SORCS1: variants seen among roughly 807,000 people sequenced by gnomAD.
SORCS1 encodes the protein sortilin related VPS10 domain containing receptor 1, also known as VPS10 domain-containing receptor SorCS1.
Under a neutral mutation model 146.1 loss-of-function variants are expected in SORCS1, and 60 were observed. That is an observed-to-expected ratio of 0.41 (90% CI 0.33 to 0.51). SORCS1 has a LOEUF of 0.51. SORCS1 is among the 20% of genes least tolerant of loss of function. The pLI is 0.21. For synonymous variants in SORCS1, 637 were observed against 584.0 expected (o/e 1.09, Z -1.31); for missense variants, 1,352 against 1,487.6 (o/e 0.91, Z 1.50).
At chr10:106,822,161 A>G (rs936659213) in intron 3 of SORCS1, among the ~76,000 whole-genome samples, 3 of 152,194 alleles carry the variant, frequency 2.0e-5, no homozygotes, top group Non-Finnish European at 2.9e-5. Flanking sequence ...AGAAAAATCA[A>G]CTAGGTACTT....
chr10:106,855,569 A>T (rs1376410651), intron 2 of SORCS1, among the ~76,000 whole-genome samples: 3 of 152,002 alleles, frequency 2.0e-5, no homozygotes, highest in Non-Finnish European at 2.9e-5. Flanking sequence ...CTGTATTTGC[A>T]CTTCGATGGT....
chr10:106,884,788 T>A (rs568956985), intron 2 of SORCS1, among the ~76,000 whole-genome samples: 2 of 152,332 alleles, frequency 1.3e-5, no homozygotes, highest in Admixed American at 1.3e-4. Context: ...TATCCAATAG[T>A]TAGAATTTTT....
At chr10:106,927,996 A>G (rs894122956) in intron 2 of SORCS1, among the ~76,000 whole-genome samples, 2 of 152,258 alleles carry the variant, frequency 1.3e-5, no homozygotes, top group Non-Finnish European at 2.9e-5. Context: ...AGCTAGACAT[A>G]AAGGTTCTGC....
intron 24 of SORCS1, among the ~76,000 whole-genome samples, chr10:106,594,344 T>C (rs573015738): frequency 6.6e-6 from 1 of 152,350 alleles, no homozygotes; most frequent in African/African-American, 2.4e-5. Flanking sequence ...ATAACAATTA[T>C]ACATATTCAT....
chr10:106,992,375 T>TA (rs1421360385), intron 1 of SORCS1, among the ~76,000 whole-genome samples: 1 of 151,936 alleles, frequency 6.6e-6, no homozygotes, highest in Non-Finnish European at 1.5e-5. Context: ...CATGACAGAG[T>TA]AAAAAAATAC....
At chr10:106,820,469 C>A (rs933845360) in intron 3 of SORCS1, among the ~76,000 whole-genome samples, 2 of 152,174 alleles carry the variant, frequency 1.3e-5, no homozygotes, top group African/African-American at 4.8e-5. Flanking sequence ...AAAAGAAGAT[C>A]TGGTCAAGGG....
chr10:106,679,996 G>C (rs1852317279), intron 10 of SORCS1, among the ~76,000 whole-genome samples: 1 of 152,084 alleles, frequency 6.6e-6, no homozygotes, highest in African/African-American at 2.4e-5. Flanking sequence ...TGTCATTACA[G>C]AGCTTACAAT....
intron 2 of SORCS1, among the ~76,000 whole-genome samples, chr10:106,948,600 C>T (rs925131996): frequency 4.6e-5 from 7 of 151,074 alleles, no homozygotes; most frequent in African/African-American, 1.7e-4. Context: ...CTTGTGGCTG[C>T]AGTGAGCTAT....
intron 6 of SORCS1, among the ~76,000 whole-genome samples, chr10:106,718,299 A>C (rs1463528749): frequency 1.3e-5 from 2 of 152,232 alleles, no homozygotes; most frequent in South Asian, 4.1e-4. Flanking sequence ...AGAACTGAGA[A>C]GCACATCACA....
intron 2 of SORCS1, among the ~76,000 whole-genome samples, chr10:106,934,289 G>A (rs774390625): frequency 3.8e-4 from 58 of 151,498 alleles, no homozygotes; most frequent in African/African-American, 1.0e-3. Context: ...ATGGAGTCGC[G>A]CACTGTCACC....
chr10:106,737,933 T>A (rs1250420418), intron 5 of SORCS1, among the ~76,000 whole-genome samples: 3 of 152,242 alleles, frequency 2.0e-5, no homozygotes, highest in East Asian at 3.8e-4. Flanking sequence ...ATACCCTGCA[T>A]ATTTTTAGCA....
chr10:106,710,432 GAAA>G (rs33978828), intron 6 of SORCS1, among the ~76,000 whole-genome samples: 1 of 126,818 alleles, frequency 7.9e-6, no homozygotes. Flanking sequence ...TGGGTGACAG[GAAA>G]AAAAAAAAAA....
chr10:106,907,350 G>A (rs7076825), intron 2 of SORCS1, among the ~76,000 whole-genome samples: 2,701 of 152,014 alleles, frequency 0.018, 80 homozygotes, highest in East Asian at 0.11. Context: ...ATGAAAATAC[G>A]ATTAGTACAC....
At chr10:107,044,949 T>C (rs1409123791) in intron 1 of SORCS1, among the ~76,000 whole-genome samples, 1 of 152,108 alleles carries the variant, frequency 6.6e-6, no homozygotes, top group Non-Finnish European at 1.5e-5. Flanking sequence ...TGGATGGCAT[T>C]TGACATAAGG....
intron 2 of SORCS1, among the ~76,000 whole-genome samples, chr10:106,868,415 T>C (rs1451744779): frequency 6.6e-6 from 1 of 152,102 alleles, no homozygotes; most frequent in Non-Finnish European, 1.5e-5. Context: ...CGTCATATGG[T>C]GCATAACTCT....
In SORCS1 at chr10:106,865,899, G is replaced by T. The variant is rs527853109; in HGVS notation, c.627-36226C>A. 4.0e-5 allele frequency among the ~76,000 whole-genome samples: 6 copies of T among 149,698 alleles called. No individual in the cohort carries two copies. The East Asian group carries it at 1.0e-3, about 25-fold the overall frequency. On this transcript the variant is annotated intron_variant, in intron 2 of 25. Coordinates refer to ENST00000263054, the MANE Select transcript of SORCS1 (RefSeq NM_052918.5). ...AATACAAAAATTGGCCAGGCGTGGT[G>T]GCATGCACCTGTAATCCCAGCTACT...
At chr10:107,177,801 CTGTGGA>C in the SORCS1 span, among the ~76,000 whole-genome samples, 1 of 152,194 alleles carries the variant, frequency 6.6e-6, no homozygotes, top group African/African-American at 2.4e-5. Flanking sequence ...TACATATACA[CTGTGGA>C]ATACTATGCA....
chr10:106,791,575 T>C (rs375379392), intron 3 of SORCS1, among the ~76,000 whole-genome samples: 2 of 152,102 alleles, frequency 1.3e-5, no homozygotes, highest in Non-Finnish European at 2.9e-5. Context: ...GGTGCACAGC[T>C]GTAGTCCTAG....
chr10:106,822,577 T>C (rs1425785529), intron 3 of SORCS1, among the ~76,000 whole-genome samples: 4 of 152,098 alleles, frequency 2.6e-5, no homozygotes, highest in African/African-American at 9.7e-5. Flanking sequence ...TTTTTAATGT[T>C]CAGGAAGAAA....
Sources: gnomAD v4.1 joint callset for allele counts (sites outside exome capture counted in the v4.1 genomes callset) on GRCh38, gnomAD v4.1.1 for gene constraint, MANE v1.5 for transcripts, NCBI Gene and HGNC (gene_info 2026-07-23, HGNC 2026-07-21) for gene names.